ITGA11: variants seen among roughly 807,000 people sequenced by gnomAD.
The protein encoded by ITGA11 is integrin subunit alpha 11.
A neutral mutation model predicts 141.9 loss-of-function variants in ITGA11; 97 were observed. The observed-to-expected ratio is 0.68, with a 90% CI of 0.58 to 0.81. The LOEUF is 0.81. ITGA11 is among the 30% of genes least tolerant of loss of function. The probability of loss-of-function intolerance (pLI) is 0.00; values close to 1 mark genes in which losing one functional copy is unlikely to be tolerated. For synonymous variants in ITGA11, 658 were observed against 624.6 expected (o/e 1.05, Z -0.80); for missense variants, 1,387 against 1,559.2 (o/e 0.89, Z 1.86).
At chr15:68,347,897 G>A (rs1216568589) in intron 10 of ITGA11, among the ~76,000 whole-genome samples, 1 of 139,592 alleles carries the variant, frequency 7.2e-6, no homozygotes, top group East Asian at 2.1e-4. Context: ...CACTCTCATG[G>A]TGCCAGCCCA....
At chr15:68,369,887 C>G (rs1895535036) in intron 2 of ITGA11, among the ~76,000 whole-genome samples, 1 of 152,286 alleles carries the variant, frequency 6.6e-6, no homozygotes, top group East Asian at 1.9e-4. Context: ...GCAGATGTAA[C>G]TAAGTTAAGG....
intron 4 of ITGA11, among the ~76,000 whole-genome samples, chr15:68,364,504 G>A (rs930784647): frequency 6.6e-6 from 1 of 152,222 alleles, no homozygotes; most frequent in Non-Finnish European, 1.5e-5. Flanking sequence ...AAAACACCCA[G>A]GGCCCTGCCA....
chr15:68,398,114 G>A (rs1478793450), intron 2 of ITGA11, among the ~76,000 whole-genome samples: 1 of 151,794 alleles, frequency 6.6e-6, no homozygotes, highest in Non-Finnish European at 1.5e-5. Flanking sequence ...AAAAGAACCA[G>A]CTAACATCAT....
Position 68,311,794 on chromosome 15 carries a change from TTTAA to T in ITGA11, c.2974-395_2974-392del, listed in dbSNP as rs1023512218. Among the ~76,000 whole-genome samples the T allele has an allele frequency of 8.5e-5, 13 of 152,320 alleles. No individual in the cohort carries two copies. In the East Asian group the frequency reaches 9.6e-4, roughly 11 times the overall value. ...GAGGGAATCATTAATTAACAATTAATTTAATTAATTAAACTCGCTATTTATTACT... is the reference window on the plus strand; with the variant it reads ...GAGGGAATCATTAATTAACAATTAATTTAATTAAACTCGCTATTTATTACT... On this transcript the variant is annotated intron_variant, in intron 24 of 29. Transcript: ENST00000315757.
intron 10 of ITGA11, among the ~76,000 whole-genome samples, chr15:68,345,757 G>A (rs906331087): frequency 1.3e-5 from 2 of 152,174 alleles, no homozygotes; most frequent in African/African-American, 4.8e-5. Flanking sequence ...AAGTGGAAAG[G>A]CTGGACCCAA....
chr15:68,421,090 C>T (rs1305035816), intron 1 of ITGA11, among the ~76,000 whole-genome samples: 1 of 14,226 alleles, frequency 7.0e-5, no homozygotes, highest in Non-Finnish European at 1.4e-4. Flanking sequence ...GAGAGGAAAC[C>T]GAAAGCCAAC....
At chr15:68,329,582 T>C (rs1192946540) in intron 15 of ITGA11, among the ~76,000 whole-genome samples, 1 of 152,204 alleles carries the variant, frequency 6.6e-6, no homozygotes, top group Non-Finnish European at 1.5e-5. Flanking sequence ...GAGGGGTGTG[T>C]GTGCACATGT....
Position 68,307,440 on chromosome 15 carries a change from T to G in ITGA11, c.3289A>C (p.Lys1097Gln). 6.4e-7 allele frequency: 1 copy of G among 1,555,748 alleles called. No individual in the cohort carries two copies. Among genetic ancestry groups the G allele is most frequent in the Non-Finnish European group, 8.7e-7 (1 of 1,148,808 alleles). The change falls in exon 28 of 30, where the codon AAG becomes CAG. Residue 1097 changes from lysine to glutamine, a missense_variant. Transcript: ENST00000315757. The surrounding 1 kb of genome is among the most constrained non-coding windows in gnomAD (Gnocchi z 6.1). ...NLWLRSLKAL[K>Q]YKSMKIMVNA... is the part of the protein sequence containing the mutation. ...ACCATGATTTTCATGGATTTGTACT[T>G]GAGCTGTGCAATCAGAGGGCTCGTC... is the stretch of plus-strand genomic sequence containing the variant.
In ITGA11 at chr15:68,299,509, TGAATAAAAACA is replaced by T. The variant is rs1163974828; in HGVS notation, c.*3539_*3549del. 3 of 151,994 alleles carry T rather than the reference TGAATAAAAACA, an allele frequency of 2.0e-5. No individual in the cohort carries two copies. Among genetic ancestry groups the T allele is most frequent in the Non-Finnish European group, 4.4e-5 (3 of 67,998 alleles). 9.4% of individuals were successfully genotyped at this position (151,994 alleles called of 1,614,324 possible). The stretch of plus-strand genomic sequence containing the variant: ...GTAAAAGCAAAGACTGGTGTGGTGT[TGAATAAAAACA>T]GGGGACCATTCATACTAATGGCTGT... On this transcript the variant is annotated 3_prime_UTR_variant, in exon 30 of 30. Transcript: ENST00000315757.
At position 68,331,793 on chromosome 15, in the gene ITGA11, G is replaced by A. The variant is rs1204768074; in HGVS notation, c.1770+66C>T. 4.4e-6 allele frequency: 6 copies of A among 1,371,172 alleles called. No homozygotes were observed. In the African/African-American group the frequency reaches 8.6e-5, roughly 20 times the overall value. 84.9% of individuals were successfully genotyped at this position (1,371,172 alleles called of 1,614,324 possible). On this transcript the variant is annotated intron_variant, in intron 14 of 29. Transcript: ENST00000315757. ...ATCCTGAACCAGATGAGGCACAGAA[G>A]CTCCTGGGACTCCTGGGACTCCTGC...
chr15:68,332,382 CGTT>C lies in ITGA11; in HGVS notation c.1519_1521del (p.Asn507del). 1 of 1,609,804 alleles carries C rather than the reference CGTT, an allele frequency of 6.2e-7. No individual in the cohort carries two copies. Among genetic ancestry groups the C allele is most frequent in the Non-Finnish European group, 8.5e-7 (1 of 1,178,396 alleles). On this transcript the variant is annotated inframe_deletion, in exon 13 of 30. Transcript: ENST00000315757. ...TACACCTTGCCTCGCTCACGGCCCT[CGTT>C]GAAGTACATGGGTGCGCCCACCAGC... is the stretch of plus-strand genomic sequence containing the variant.
At chr15:68,361,746 C>A in intron 4 of ITGA11, 42 bp from the exon 5 acceptor site, 1 of 1,409,092 alleles carries the variant, frequency 7.1e-7, no homozygotes, top group African/African-American at 1.4e-5. Flanking sequence ...GAGGGGACCT[C>A]AGAGAGGATC....
rs1240132030 is a variant in ITGA11, at chr15:68,326,477, G to A, written c.2211+177C>T. ...TGTCTAGTGAGGTGGTATGTAGCGT[G>A]TCTCTGGGGCATGAGGTGGGAATGT... is the stretch of plus-strand genomic sequence containing the variant. On this transcript the variant is annotated intron_variant, in intron 17 of 29. Coordinates refer to ENST00000315757, the MANE Select transcript of ITGA11 (RefSeq NM_001004439.2). This position sits in a 1 kb window ranked among gnomAD's most constrained non-coding sequence, Gnocchi z 6.8. 2.0e-5 allele frequency among the ~76,000 whole-genome samples: 3 copies of A among 152,074 alleles called. No individual in the cohort carries two copies. Among genetic ancestry groups the A allele is most frequent in the Non-Finnish European group, 2.9e-5 (2 of 68,024 alleles).
intron 2 of ITGA11, among the ~76,000 whole-genome samples, chr15:68,389,006 G>T (rs1466022877): frequency 1.3e-5 from 2 of 152,040 alleles, no homozygotes. Context: ...TCTAAACACA[G>T]TTTCTTCTTT....
chr15:68,386,101 C>T (rs1047751979), intron 2 of ITGA11, among the ~76,000 whole-genome samples: 1 of 152,130 alleles, frequency 6.6e-6, no homozygotes, highest in Non-Finnish European at 1.5e-5. Flanking sequence ...CTGGAGTCTC[C>T]ACAAGTAGAA....
intron 18 of ITGA11, among the ~76,000 whole-genome samples, chr15:68,323,205 C>G (rs867227508): frequency 3.3e-5 from 5 of 152,142 alleles, no homozygotes; most frequent in Non-Finnish European, 7.3e-5. Context: ...TGGTAGCCAG[C>G]GAAGCCATAT....
chr15:68,400,142 A>G (rs1896430995), intron 2 of ITGA11, among the ~76,000 whole-genome samples: 1 of 152,156 alleles, frequency 6.6e-6, no homozygotes, highest in Admixed American at 6.6e-5. Flanking sequence ...TTTTCAACAA[A>G]GATGTCACTA....
intron 4 of ITGA11, among the ~76,000 whole-genome samples, chr15:68,363,416 C>T (rs184185844): frequency 6.6e-6 from 1 of 152,274 alleles, no homozygotes; most frequent in Admixed American, 6.5e-5. Flanking sequence ...TCCTGCTTTG[C>T]CTCTGGTTAT....
intron 2 of ITGA11, among the ~76,000 whole-genome samples, chr15:68,385,346 G>A (rs1895960182): frequency 6.6e-6 from 1 of 152,220 alleles, no homozygotes; most frequent in Non-Finnish European, 1.5e-5. Context: ...GGAAAGGACT[G>A]CAATGGGAGC....
Sources: gnomAD v4.1 joint callset for allele counts (sites outside exome capture counted in the v4.1 genomes callset) on GRCh38, gnomAD v4.1.1 for gene constraint, Gnocchi (gnomAD v3.1) non-coding constraint, MANE v1.5 for transcripts, NCBI Gene and HGNC (gene_info 2026-07-23, HGNC 2026-07-21) for gene names.